FOXJ3: variants seen among roughly 807,000 people sequenced by gnomAD.
FOXJ3 encodes forkhead box J3, also known as forkhead box protein J3.
FOXJ3 carries 22 observed loss-of-function variants against 76.1 expected under a neutral mutation model. The observed-to-expected ratio is 0.29, with a 90% CI of 0.21 to 0.41. The LOEUF (loss-of-function observed/expected upper bound fraction) is 0.41. FOXJ3 is among the 10% of genes least tolerant of loss of function. The pLI is 1.00. For synonymous variants in FOXJ3, 269 were observed against 261.2 expected, an observed-to-expected ratio of 1.03 and a Z score of -0.29; for missense variants, 613 against 762.1, an observed-to-expected ratio of 0.80 and a Z score of 2.30.
chr1:42,267,843 T>C (rs1158240363), intron 3 of FOXJ3, among the ~76,000 whole-genome samples: 1 of 151,988 alleles, frequency 6.6e-6, no homozygotes, highest in Non-Finnish European at 1.5e-5. Context: ...TTAAAATTCC[T>C]CAGATGGGCT....
chr1:42,191,202 G>T, intron 9 of FOXJ3, 101 bp downstream of exon 9: 1 of 1,076,286 alleles, frequency 9.3e-7, no homozygotes, highest in Non-Finnish European at 1.3e-6. Context: ...GGAAACAGAT[G>T]TAAAGAGGTT....
chr1:42,308,240 A>G (rs371784520), intron 2 of FOXJ3, among the ~76,000 whole-genome samples: 5 of 152,350 alleles, frequency 3.3e-5, no homozygotes, highest in African/African-American at 9.6e-5. Flanking sequence ...GGTAGTATAT[A>G]CGAGAGAGAA....
Position 42,181,977 on chromosome 1 carries a change from G to C in FOXJ3, c.1693C>G (p.Pro565Ala), listed in dbSNP as rs200321088. The C allele has an allele frequency of 6.2e-7, 1 of 1,613,354 alleles. No individual in the cohort carries two copies. The highest frequency in any genetic ancestry group is 2.2e-5 in the East Asian group (1 of 44,862). ...GGGATATGAGGATAACCAGGGGGTGGCATCACTGAAGGAGGGAGATTTTGC... is the reference window on the plus strand; with the variant it reads ...GGGATATGAGGATAACCAGGGGGTGCCATCACTGAAGGAGGGAGATTTTGC... ...SRQNLPPSVM[P>A]PPGYPHIPQA... The change falls in exon 12 of 13, where the codon CCA becomes GCA. Residue 565 changes from proline to alanine, a missense_variant. Transcript: ENST00000361346.
intron 1 of FOXJ3, among the ~76,000 whole-genome samples, chr1:42,332,552 C>G (rs1015886549): frequency 5.9e-5 from 9 of 152,076 alleles, no homozygotes; most frequent in African/African-American, 1.7e-4. Flanking sequence ...TCTAATCAGT[C>G]TCTCCACTCC....
At chr1:42,327,972 T>C (rs1418949667) in intron 1 of FOXJ3, among the ~76,000 whole-genome samples, 2 of 152,126 alleles carry the variant, frequency 1.3e-5, no homozygotes, top group East Asian at 1.9e-4. Context: ...TAAAAATAGA[T>C]ATCATGCAGT....
chr1:42,324,339 C>CCA (rs1553170727), intron 1 of FOXJ3, among the ~76,000 whole-genome samples: 1 of 143,076 alleles, frequency 7.0e-6, no homozygotes, highest in Non-Finnish European at 1.5e-5. Flanking sequence ...AACATATACA[C>CCA]TATATACTAT....
rs1655609023 is a variant in FOXJ3 at position 42,324,090 on chromosome 1, T to TGTATACACACAGTGTATATATA, written c.-18+10968_-18+10969insTATATATACACTGTGTGTATAC. On this transcript the variant is annotated intron_variant, in intron 1 of 12. Coordinates refer to ENST00000361346, the MANE Select transcript of FOXJ3 (RefSeq NM_014947.5). ...CACAGTGTATATATAGTATATATAC[T>TGTATACACACAGTGTATATATA]GTATATATACTGTGTATATACACTG... Among the ~76,000 whole-genome samples the TGTATACACACAGTGTATATATA allele has an allele frequency of 9.2e-5, 8 of 87,340 alleles. 1 individual carries two copies. The highest frequency in any genetic ancestry group is 1.3e-4 in the Non-Finnish European group (6 of 46,266). The allele number at this position is 87,340 out of a possible 152,430, so 57.3% of individuals were successfully genotyped here. A position where few individuals can be genotyped will look rare whatever the true frequency, so the allele number is the denominator to read the frequency against.
At chr1:42,314,969 C>T (rs2479463) in intron 1 of FOXJ3, among the ~76,000 whole-genome samples, 115,081 of 151,810 alleles carry the variant, frequency 0.76, 43,585 homozygotes, top group Admixed American at 0.81. Flanking sequence ...ATCTAAGTAA[C>T]AGCCATAAAA....
chr1:42,323,775 G>T (rs1407711716), intron 1 of FOXJ3: 1 of 754,990 alleles, frequency 1.3e-6, no homozygotes, highest in Non-Finnish European at 1.6e-6. Context: ...ATAATTGAAG[G>T]ATTATCTTGT....
chr1:42,202,984 G>A (rs1646791428), intron 6 of FOXJ3, among the ~76,000 whole-genome samples: 1 of 152,110 alleles, frequency 6.6e-6, no homozygotes, highest in Non-Finnish European at 1.5e-5. Flanking sequence ...ACAACCTTGT[G>A]TGACCTTTTC....
intron 5 of FOXJ3, among the ~76,000 whole-genome samples, chr1:42,226,409 C>T (rs343369): frequency 0.18 from 26,720 of 152,062 alleles, 2,532 homozygotes; most frequent in Admixed American, 0.25. Context: ...GTCAGGAGTT[C>T]GAAACAAGCC....
chr1:42,326,116 T>C (rs918524446), intron 1 of FOXJ3, among the ~76,000 whole-genome samples: 1 of 152,120 alleles, frequency 6.6e-6, no homozygotes, highest in Non-Finnish European at 1.5e-5. Flanking sequence ...CCAGGCGTGA[T>C]GGCAGGCACC....
chr1:42,330,481 T>C (rs1027871429), intron 1 of FOXJ3, among the ~76,000 whole-genome samples: 9 of 151,986 alleles, frequency 5.9e-5, no homozygotes, highest in African/African-American at 1.9e-4. Flanking sequence ...CTACAAAAAA[T>C]ACAAAAATTA....
intron 6 of FOXJ3, among the ~76,000 whole-genome samples, chr1:42,201,848 A>T (rs181991045): frequency 3.3e-5 from 5 of 152,276 alleles, no homozygotes; most frequent in Non-Finnish European, 7.4e-5. Flanking sequence ...GCTGGGCCTG[A>T]AGTCTTCTAT....
At chr1:42,187,237 C>T (rs1271923239) in intron 11 of FOXJ3, among the ~76,000 whole-genome samples, 1 of 152,262 alleles carries the variant, frequency 6.6e-6, no homozygotes, top group Admixed American at 6.5e-5. Flanking sequence ...TACTTACCCC[C>T]AAACACACAA....
At chr1:42,261,242 T>C (rs890969667) in intron 4 of FOXJ3, among the ~76,000 whole-genome samples, 1 of 147,348 alleles carries the variant, frequency 6.8e-6, no homozygotes, top group East Asian at 2.0e-4. Flanking sequence ...ACAGAACTAA[T>C]GAAAAGAGAA....
intron 2 of FOXJ3, among the ~76,000 whole-genome samples, chr1:42,284,774 T>C (rs977059559): frequency 6.6e-6 from 1 of 152,198 alleles, no homozygotes; most frequent in Non-Finnish European, 1.5e-5. Context: ...AAGGAAAATA[T>C]CTTCTTTATT....
intron 1 of FOXJ3, among the ~76,000 whole-genome samples, chr1:42,324,234 A>G (rs1655679962): frequency 1.4e-5 from 1 of 70,340 alleles, no homozygotes; most frequent in Non-Finnish European, 3.2e-5. Context: ...CTAGGAATAT[A>G]TACACACTAT....
chr1:42,304,464 A>G (rs1654340443), intron 2 of FOXJ3, among the ~76,000 whole-genome samples: 1 of 152,152 alleles, frequency 6.6e-6, no homozygotes, highest in Non-Finnish European at 1.5e-5. Context: ...GAGCAAAAAG[A>G]ACAAAACTGG....
Sources: gnomAD v4.1 joint callset for allele counts (sites outside exome capture counted in the v4.1 genomes callset) on GRCh38, gnomAD v4.1.1 for gene constraint, MANE v1.5 for transcripts, NCBI Gene and HGNC (gene_info 2026-07-23, HGNC 2026-07-21) for gene names.